TRAF1: variants seen among roughly 807,000 people sequenced by gnomAD.
TRAF1 encodes the protein TNF receptor associated factor 1.
In TRAF1, 23 loss-of-function variants were observed where a neutral mutation model predicts 40.9. The ratio of observed to expected loss-of-function variants is 0.56; its 90% CI spans 0.40 to 0.80. The LOEUF (loss-of-function observed/expected upper bound fraction) is 0.80, where lower values mean the gene tolerates loss of function less well. TRAF1 is among the 30% of genes least tolerant of loss of function. The probability of loss-of-function intolerance (pLI) is 0.00; values close to 1 mark genes in which losing one functional copy is unlikely to be tolerated. For synonymous variants in TRAF1, 206 were observed against 218.8 expected (o/e 0.94, Z 0.52); for missense variants, 477 against 528.7 (o/e 0.90, Z 0.96).
intron 6 of TRAF1, among the ~76,000 whole-genome samples, chr9:120,910,161 T>A (rs1588148765): frequency 6.6e-6 from 1 of 151,844 alleles, no homozygotes; most frequent in South Asian, 2.1e-4. Flanking sequence ...AGGAAGAGGG[T>A]GGAGGAGGGA....
chr9:120,927,609 G>C (rs1477606248), upstream of TRAF1: 1 of 152,066 alleles, frequency 6.6e-6, no homozygotes, highest in East Asian at 1.9e-4. Context: ...TGCTTATACT[G>C]TGCTTTCACG....
chr9:120,910,596 T>TA (rs2046518938), intron 6 of TRAF1, among the ~76,000 whole-genome samples: 1 of 152,160 alleles, frequency 6.6e-6, no homozygotes, highest in Non-Finnish European at 1.5e-5. Context: ...GGGATCTTGT[T>TA]ACGTTGCCCA....
upstream of TRAF1, chr9:120,928,912 G>GC (rs1362528202): frequency 6.6e-6 from 1 of 152,438 alleles, no homozygotes; most frequent in Non-Finnish European, 1.5e-5. Context: ...AGAGGAATGA[G>GC]CCCCTGCGGG....
In TRAF1 at chr9:120,905,055, T is replaced by C. The variant is rs1482493895; in HGVS notation, c.1216A>G (p.Met406Val). The C allele has an allele frequency of 1.2e-6, 2 of 1,614,052 alleles. No individual in the cohort carries two copies. Among genetic ancestry groups the C allele is most frequent in the Middle Eastern group, 1.6e-4 (1 of 6,074 alleles). The change falls in exon 8 of 8, where the codon ATG (methionine) becomes GTG (valine). Residue 406 changes from methionine to valine, a missense_variant. By Grantham distance (21) the Met-to-Val change is conservative. Coordinates refer to ENST00000373887, the MANE Select transcript of TRAF1 (RefSeq NM_005658.5). ...PKHAYVKDDT[M>V]FLKCIVETST ...GTCTCCACAATGCACTTGAGGAACA[T>C]TGTGTCGTCCTTCACGTAGGCGTGC...
At chr9:120,929,098 G>C (rs2046659181), upstream of TRAF1, 3 of 152,506 alleles carry the variant, frequency 2.0e-5, no homozygotes, top group African/African-American at 7.2e-5. The surrounding 1 kb of genome is among the most constrained non-coding windows in gnomAD (Gnocchi z 4.5). Context: ...CGGGGCAGGG[G>C]TGTAGGGCAG....
In TRAF1 at chr9:120,902,523, C is replaced by T. The variant is rs1029928975; in HGVS notation, c.*2497G>A. ...GCAGGGCGGGGGGTGGGGGGGGGGGCGGTGGGCACTGCTGCATCTGATGCT... is the reference window on the plus strand; with the variant it reads ...GCAGGGCGGGGGGTGGGGGGGGGGGTGGTGGGCACTGCTGCATCTGATGCT... On this transcript the variant is annotated 3_prime_UTR_variant, in exon 8 of 8. Coordinates refer to ENST00000373887, the MANE Select transcript of TRAF1 (RefSeq NM_005658.5). The T allele has an allele frequency of 5.4e-4, 14 of 26,100 alleles. No individual in the cohort carries two copies. Among genetic ancestry groups the T allele is most frequent in the African/African-American group, 7.4e-4 (5 of 6,794 alleles). 1.6% of individuals were successfully genotyped at this position (26,100 alleles called of 1,614,324 possible).
At chr9:120,924,824 A>G (rs1348915852) in intron 2 of TRAF1, among the ~76,000 whole-genome samples, 1 of 152,196 alleles carries the variant, frequency 6.6e-6, no homozygotes, top group Non-Finnish European at 1.5e-5. Context: ...TGGATTGGTC[A>G]AGGTAGAGTG....
Position 120,905,165 on chromosome 9 carries a change from G to C in TRAF1, c.1106C>G (p.Ala369Gly). The C allele has an allele frequency of 6.2e-7, 1 of 1,614,156 alleles. No homozygotes were observed. The highest frequency in any genetic ancestry group is 8.5e-7 in the Non-Finnish European group (1 of 1,180,016). Residue 369 changes from alanine to glycine, a missense_variant, in exon 8 of 8, where the codon GCG becomes GGG. By Grantham distance (60) the Ala-to-Gly change is moderately conservative (BLOSUM62 0). Transcript: ENST00000373887. ...IDAFRPDLSS[A>G]SFQRPQSETN... ...TTCACTCTGGGGCCTCTGGAAGGAC[G>C]CTGAGCTTAGGTCAGGCCGGAAGGC... is the stretch of plus-strand genomic sequence containing the variant.
Position 120,926,177 on chromosome 9 carries a change from A to T in TRAF1, c.-102T>A. 7.8e-7 allele frequency: 1 copy of T among 1,282,404 alleles called. No individual in the cohort carries two copies. 79.4% of individuals were successfully genotyped at this position (1,282,404 alleles called of 1,614,324 possible). A position where few individuals can be genotyped will look rare whatever the true frequency, so the allele number is the denominator to read the frequency against. On this transcript the variant is annotated 5_prime_UTR_variant, in exon 2 of 8. Transcript: ENST00000373887. ...TGGGCCTCACTCTCTGGTGAGTAGG[A>T]GCTCTGATGACTTTATCTTCTTCTC...
intron 2 of TRAF1, among the ~76,000 whole-genome samples, chr9:120,925,596 C>T (rs1195764056): frequency 6.6e-6 from 1 of 152,220 alleles, no homozygotes; most frequent in East Asian, 1.9e-4. Context: ...ATTAACAATT[C>T]TATGACACAG....
At chr9:120,921,122 G>A (rs1258905361) in intron 3 of TRAF1, among the ~76,000 whole-genome samples, 1 of 152,120 alleles carries the variant, frequency 6.6e-6, no homozygotes, top group African/African-American at 2.4e-5. Flanking sequence ...TCAGAGGTCT[G>A]CCCGCATTAA....
chr9:120,909,358 C>T lies in TRAF1; in HGVS notation c.904G>A (p.Gly302Ser). The change falls in exon 7 of 8, where the codon GGC (glycine) becomes AGC (serine). Residue 302 changes from glycine to serine, a missense_variant. Transcript: ENST00000373887. ...FSPAFYTAKY[G>S]YKLCLRLYLN... is the part of the protein sequence containing the mutation. ...TACAGCCGCAGGCACAACTTGTAGC[C>T]ATACTTGGCAGTGTAGAAGGCTGAA... 1 of 1,614,116 alleles carries T rather than the reference C, an allele frequency of 6.2e-7. No homozygotes were observed. Among genetic ancestry groups the T allele is most frequent in the Non-Finnish European group, 8.5e-7 (1 of 1,180,050 alleles).
Position 120,911,526 on chromosome 9 carries a change from C to G in TRAF1, c.706-13G>C. 1 of 1,604,426 alleles carries G rather than the reference C, an allele frequency of 6.2e-7. No individual in the cohort carries two copies. The highest frequency in any genetic ancestry group is 1.1e-5 in the South Asian group (1 of 90,932). On this transcript the variant is annotated splice_polypyrimidine_tract_variant and intron_variant, in intron 5 of 7. Coordinates refer to ENST00000373887, the MANE Select transcript of TRAF1 (RefSeq NM_005658.5). ...GAAGCTCCACCACCTGTAGGGAAGACTGTTCAGCCAGGAACACCAGAACCC... is the reference window on the plus strand; with the variant it reads ...GAAGCTCCACCACCTGTAGGGAAGAGTGTTCAGCCAGGAACACCAGAACCC...
At chr9:120,924,471 G>A (rs1374917025) in intron 2 of TRAF1, among the ~76,000 whole-genome samples, 2 of 152,096 alleles carry the variant, frequency 1.3e-5, no homozygotes, top group Non-Finnish European at 2.9e-5. Context: ...CTGGAGTGCA[G>A]TGGTGCGATC....
Position 120,909,323 on chromosome 9 carries a change from T to G in TRAF1, c.939A>C (p.Gly313=). The change falls in exon 7 of 8, where the codon GGA becomes GGC. Residue 313 remains glycine (G), a synonymous_variant. Coordinates refer to ENST00000373887, the MANE Select transcript of TRAF1 (RefSeq NM_005658.5). ...GATGGGTTCTCTTTCCAGTGCCATC[T>G]CCATTCAGGTACAGCCGCAGGCACA... ...YKLCLRLYLN[G]DGTGKRTHLS... The G allele has an allele frequency of 6.2e-7, 1 of 1,614,142 alleles. No individual in the cohort carries two copies. Among genetic ancestry groups the G allele is most frequent in the Middle Eastern group, 1.6e-4 (1 of 6,062 alleles).
intron 2 of TRAF1, among the ~76,000 whole-genome samples, chr9:120,924,832 G>C (rs1005045937): frequency 2.0e-5 from 3 of 152,256 alleles, no homozygotes; most frequent in Non-Finnish European, 2.9e-5. Context: ...TCAAGGTAGA[G>C]TGAGTCAGGA....
upstream of TRAF1, chr9:120,927,128 G>C (rs923972731): frequency 2.0e-5 from 3 of 152,198 alleles, no homozygotes; most frequent in African/African-American, 7.2e-5. Context: ...TGGTCCAAAG[G>C]CACACAGCCT....
In TRAF1 at chr9:120,913,309, A is replaced by G. The variant is rs1236008833; in HGVS notation, c.705+19T>C. ...GGGGCTCAGCCGGGCTTGAAGGCAAACCTGCCTCCCACACTCACCCTCTGC... is the reference window on the plus strand; with the variant it reads ...GGGGCTCAGCCGGGCTTGAAGGCAAGCCTGCCTCCCACACTCACCCTCTGC... On this transcript the variant is annotated intron_variant, in intron 5 of 7. Transcript: ENST00000373887. 2 of 1,577,926 alleles carry G rather than the reference A, an allele frequency of 1.3e-6. No homozygotes were observed. Among genetic ancestry groups the G allele is most frequent in the African/African-American group, 2.7e-5 (2 of 74,066 alleles).
At chr9:120,907,748 C>G (rs2046493505) in intron 7 of TRAF1, among the ~76,000 whole-genome samples, 1 of 152,206 alleles carries the variant, frequency 6.6e-6, no homozygotes, top group South Asian at 2.1e-4. Context: ...CCTCACGGCA[C>G]CTCCTCCCAG....
Sources: allele counts gnomAD v4.1 joint callset (sites outside exome capture counted in the v4.1 genomes callset), GRCh38; gene constraint gnomAD v4.1.1; non-coding constraint Gnocchi (gnomAD v3.1); transcripts MANE v1.5; gene names NCBI Gene and HGNC (gene_info 2026-07-23, HGNC 2026-07-21).